PDE6C: variants seen among roughly 807,000 people sequenced by gnomAD.
PDE6C encodes the protein cone cGMP-specific 3',5'-cyclic phosphodiesterase subunit alpha'.
In PDE6C, 75 loss-of-function variants were observed where a neutral mutation model predicts 113.1. The observed-to-expected ratio is 0.66, with a 90% CI of 0.55 to 0.80. The LOEUF is 0.80. Ranked by LOEUF, PDE6C falls within the 30% of genes least tolerant of loss-of-function variation. The pLI is 0.00. For synonymous variants in PDE6C, 375 were observed against 363.7 expected, an observed-to-expected ratio of 1.03 and a Z score of -0.35; for missense variants, 912 against 1,038.6, an observed-to-expected ratio of 0.88 and a Z score of 1.67.
In PDE6C at chr10:93,626,796, T is replaced by G; in HGVS notation, c.1005-9T>G. 6.2e-7 allele frequency: 1 copy of G among 1,613,912 alleles called. No individual in the cohort carries two copies. Among genetic ancestry groups the G allele is most frequent in the Non-Finnish European group, 8.5e-7 (1 of 1,179,778 alleles). On this transcript the variant is annotated splice_polypyrimidine_tract_variant and intron_variant, in intron 6 of 21. Coordinates refer to ENST00000371447, the MANE Select transcript of PDE6C (RefSeq NM_006204.4). ...TATTGCAATGATTTTTTTTCTTCTC[T>G]TCCCCAAGGACGCCTCCTGCAGACC... is the stretch of plus-strand genomic sequence containing the variant.
At chr10:93,659,824 C>A (rs1193752649) in intron 18 of PDE6C, among the ~76,000 whole-genome samples, 2 of 152,178 alleles carry the variant, frequency 1.3e-5, no homozygotes, top group African/African-American at 2.4e-5. Flanking sequence ...TAAGTCAGAA[C>A]AAGATCAGGA....
In PDE6C at chr10:93,634,914, G is replaced by A. The variant is rs998950625; in HGVS notation, c.1269+7G>A. On this transcript the variant is annotated splice_region_variant and intron_variant, in intron 9 of 21. Coordinates refer to ENST00000371447, the MANE Select transcript of PDE6C (RefSeq NM_006204.4). ...TGATGAATACATTACCGAGGCAAGT[G>A]CAATAATAAGATAATGGAAGTCAAT... is the stretch of plus-strand genomic sequence containing the variant. The A allele has an allele frequency of 6.2e-7, 1 of 1,613,752 alleles. No individual in the cohort carries two copies. Among genetic ancestry groups the A allele is most frequent in the Non-Finnish European group, 8.5e-7 (1 of 1,179,780 alleles).
chr10:93,653,048 G>T (rs1050486760), intron 15 of PDE6C, among the ~76,000 whole-genome samples: 1 of 151,928 alleles, frequency 6.6e-6, no homozygotes, highest in Non-Finnish European at 1.5e-5. Flanking sequence ...TTATTAATTT[G>T]CCAAGTATGT....
chr10:93,639,606 C>T (rs1191828484), intron 11 of PDE6C, among the ~76,000 whole-genome samples: 3 of 152,142 alleles, frequency 2.0e-5, no homozygotes, highest in African/African-American at 7.2e-5. Context: ...TGATCCCCAC[C>T]CTCGGGGAGC....
At chr10:93,636,752 A>G (rs2058534116) in intron 10 of PDE6C, among the ~76,000 whole-genome samples, 1 of 152,046 alleles carries the variant, frequency 6.6e-6, no homozygotes, top group Non-Finnish European at 1.5e-5. Context: ...CATGGAACTC[A>G]TTGTAGTATA....
Position 93,662,631 on chromosome 10 carries a change from T to A in PDE6C, c.2355T>A (p.Thr785=). 2 of 1,360,938 alleles carry A rather than the reference T, an allele frequency of 1.5e-6. No individual in the cohort carries two copies. Among genetic ancestry groups the A allele is most frequent in the Non-Finnish European group, 2.1e-6 (2 of 949,238 alleles). The allele number at this position is 1,360,938 out of a possible 1,614,324, so 84.3% of individuals were successfully genotyped here. The change falls in exon 20 of 22, where the codon ACT becomes ACA. Residue 785 remains threonine (T), a synonymous_variant. Coordinates refer to ENST00000371447, the MANE Select transcript of PDE6C (RefSeq NM_006204.4). The part of the protein sequence containing the change: ...LQVGFIDFVC[T]FVYKEFSRFH... ...TTGGATTTATTGATTTTGTTTGTAC[T>A]TTTGTATATAAGGTAAGTAAGCAAA...
intron 1 of PDE6C, among the ~76,000 whole-genome samples, chr10:93,616,909 C>G (rs1325185168): frequency 6.6e-6 from 1 of 152,124 alleles, no homozygotes; most frequent in Non-Finnish European, 1.5e-5. Flanking sequence ...ACATAGGCCT[C>G]CCAAAGTGCT....
chr10:93,648,258 G>C (rs528604627), intron 15 of PDE6C, among the ~76,000 whole-genome samples: 2 of 152,078 alleles, frequency 1.3e-5, no homozygotes, highest in African/African-American at 4.8e-5. Context: ...AAGGAATATT[G>C]CATCTCAGTA....
At chr10:93,657,468 G>A (rs2058644266) in intron 16 of PDE6C, among the ~76,000 whole-genome samples, 1 of 151,030 alleles carries the variant, frequency 6.6e-6, no homozygotes, top group Non-Finnish European at 1.5e-5. Flanking sequence ...AGAGGCGTGA[G>A]CCACCTCGCC....
At chr10:93,634,221 C>T (rs1025747456) in intron 8 of PDE6C, among the ~76,000 whole-genome samples, 4 of 152,114 alleles carry the variant, frequency 2.6e-5, no homozygotes, top group Admixed American at 6.5e-5. Flanking sequence ...TGGGGTTTCA[C>T]CATGTTGACC....
At chr10:93,640,611 A>G in intron 13 of PDE6C, 54 bp downstream of exon 13, 1 of 1,180,100 alleles carries the variant, frequency 8.5e-7, no homozygotes, top group Non-Finnish European at 1.3e-6. Flanking sequence ...CCATTTGAGC[A>G]TGATGAGAAA....
Position 93,640,556 on chromosome 10 carries a change from T to C in PDE6C, c.1736T>C (p.Met579Thr). The C allele has an allele frequency of 1.9e-6, 3 of 1,601,164 alleles. No individual in the cohort carries two copies. The highest frequency in any genetic ancestry group is 2.2e-5 in the East Asian group (1 of 44,812). ...NVGQTMFTLL[M>T]TGRLKKYYTD... is the part of the protein sequence containing the mutation. ...GGGCAGACCATGTTTACTTTGCTGATGGTAGGTACAGAGGGCTGTAAATCC... is the reference window on the plus strand; with the variant it reads ...GGGCAGACCATGTTTACTTTGCTGACGGTAGGTACAGAGGGCTGTAAATCC... The change falls in exon 13 of 22, where the codon ATG becomes ACG. Residue 579 changes from methionine to threonine, a missense_variant and splice_region_variant. Physicochemically the swap from Met to Thr is moderately conservative, Grantham distance 81. Transcript: ENST00000371447.
At chr10:93,621,821 A>G (rs2058447842) in intron 3 of PDE6C, 111 bp from the exon 4 acceptor site, 6 of 982,242 alleles carry the variant, frequency 6.1e-6, no homozygotes, top group Admixed American at 3.6e-5. Flanking sequence ...GCACTTTCCA[A>G]TGATATGCAT....
intron 16 of PDE6C, among the ~76,000 whole-genome samples, chr10:93,657,415 A>G (rs2058643920): frequency 7.6e-6 from 1 of 131,698 alleles, no homozygotes. Flanking sequence ...CTATCTCCTG[A>G]CCTCGTGATC....
chr10:93,628,214 T>C (rs1335699407), intron 7 of PDE6C, among the ~76,000 whole-genome samples: 2 of 151,748 alleles, frequency 1.3e-5, no homozygotes, highest in African/African-American at 4.9e-5. Flanking sequence ...ACAAATCACT[T>C]AACCTCTTTA....
Position 93,662,039 on chromosome 10 carries a change from C to T in PDE6C, c.2209-20C>T. 2 of 1,528,298 alleles carry T rather than the reference C, an allele frequency of 1.3e-6. No homozygotes were observed. Among genetic ancestry groups the T allele is most frequent in the Non-Finnish European group, 9.1e-7 (1 of 1,101,976 alleles). 94.7% of individuals were successfully genotyped at this position (1,528,298 alleles called of 1,614,324 possible). A position where few individuals can be genotyped will look rare whatever the true frequency, so the allele number is the denominator to read the frequency against. ...CTATTCATAAGTGGATTTAGTGAACCAAGCCTTTCTCATTTGCAGGTAGCA... is the reference window on the plus strand; with the variant it reads ...CTATTCATAAGTGGATTTAGTGAACTAAGCCTTTCTCATTTGCAGGTAGCA... On this transcript the variant is annotated intron_variant, in intron 18 of 21. Coordinates refer to ENST00000371447, the MANE Select transcript of PDE6C (RefSeq NM_006204.4).
At chr10:93,658,476 A>G (rs2133876942) in intron 16 of PDE6C, among the ~76,000 whole-genome samples, 1 of 151,616 alleles carries the variant, frequency 6.6e-6, no homozygotes, top group East Asian at 1.9e-4. Context: ...GTAATTTTGT[A>G]TTTACTTTCA....
At chr10:93,663,397 T>C (rs2058675635) in intron 21 of PDE6C, among the ~76,000 whole-genome samples, 2 of 152,122 alleles carry the variant, frequency 1.3e-5, no homozygotes, top group South Asian at 2.1e-4. Context: ...ACCGGTCCAG[T>C]TGAAGTAGAG....
chr10:93,637,156 A>T (rs895579127), intron 11 of PDE6C, 93 bp downstream of exon 11: 1 of 721,974 alleles, frequency 1.4e-6, no homozygotes, highest in Middle Eastern at 3.6e-4. Flanking sequence ...TTTCAAGTAA[A>T]TGTTGAGTTT....
Sources: allele counts gnomAD v4.1 joint callset (sites outside exome capture counted in the v4.1 genomes callset), GRCh38; gene constraint gnomAD v4.1.1; transcripts MANE v1.5; gene names NCBI Gene and HGNC (gene_info 2026-07-23, HGNC 2026-07-21).